SGCD: variants seen among roughly 807,000 people sequenced by gnomAD.
SGCD encodes sarcoglycan delta, also known as delta-sarcoglycan.
A neutral mutation model predicts 36.6 loss-of-function variants in SGCD; 18 were observed. That is an observed-to-expected ratio of 0.49 (90% CI 0.34 to 0.73). The LOEUF (loss-of-function observed/expected upper bound fraction) is 0.73. SGCD is among the 30% of genes least tolerant of loss of function. SGCD has a pLI of 0.01. For missense variants in SGCD, 387 were observed against 346.7 expected (o/e 1.12, Z -0.92); for synonymous variants, 133 against 130.6 (o/e 1.02, Z -0.12).
At chr5:156,724,600 C>G (rs1366357015) in intron 7 of SGCD, among the ~76,000 whole-genome samples, 1 of 151,240 alleles carries the variant, frequency 6.6e-6, no homozygotes, top group Non-Finnish European at 1.5e-5. Context: ...GAGCGAGACT[C>G]CATCTCCAAA....
intron 4 of SGCD, among the ~76,000 whole-genome samples, chr5:156,509,751 C>A (rs1756854202): frequency 6.6e-6 from 1 of 152,240 alleles, no homozygotes; most frequent in African/African-American, 2.4e-5. Context: ...TTCCTACATA[C>A]ATACCTTGCC....
chr5:156,650,919 A>G lies in SGCD; in HGVS notation c.575+3383A>G, dbSNP rs149814080. On this transcript the variant is annotated intron_variant, in intron 7 of 8. Transcript: ENST00000337851. ...TGAGACATCTCCAAATAATGGCTGA[A>G]CTAATTTACATTCCCACCAGCGGTG... Among the ~76,000 whole-genome samples the G allele has an allele frequency of 2.5e-3, 380 of 152,264 alleles. 1 individual carries two copies. Among genetic ancestry groups the G allele is most frequent in the African/African-American group, 8.3e-3 (347 of 41,564 alleles).
chr5:155,820,165 A>G, the SGCD span, among the ~76,000 whole-genome samples: 4 of 152,252 alleles, frequency 2.6e-5, no homozygotes, highest in East Asian at 7.7e-4. Context: ...TCTCAGCTCA[A>G]CTCTTTGAAA....
intron 4 of SGCD, among the ~76,000 whole-genome samples, chr5:156,545,432 G>C (rs969147424): frequency 6.6e-6 from 1 of 152,070 alleles, no homozygotes; most frequent in Non-Finnish European, 1.5e-5. Context: ...TTTGGCACCA[G>C]GGAGCAGTTT....
chr5:155,942,897 G>C (rs1303354376), intron 1 of SGCD, among the ~76,000 whole-genome samples: 1 of 152,154 alleles, frequency 6.6e-6, no homozygotes, highest in East Asian at 1.9e-4. Context: ...CAACCATGTA[G>C]AGTACAATGT....
intron 3 of SGCD, among the ~76,000 whole-genome samples, chr5:156,239,699 T>A (rs912066976): frequency 4.6e-5 from 7 of 152,198 alleles, no homozygotes; most frequent in African/African-American, 1.7e-4. Flanking sequence ...ACTGAGTTTA[T>A]CACCTATTTA....
intron 3 of SGCD, among the ~76,000 whole-genome samples, chr5:156,445,108 C>A (rs537992441): frequency 1.3e-5 from 2 of 152,162 alleles, no homozygotes; most frequent in Non-Finnish European, 2.9e-5. Context: ...ATTTCCTTTG[C>A]CACTGAGAAG....
At chr5:156,527,707 A>C (rs1757702075) in intron 4 of SGCD, among the ~76,000 whole-genome samples, 1 of 152,160 alleles carries the variant, frequency 6.6e-6, no homozygotes, top group Admixed American at 6.5e-5. Context: ...TTTAAGCCTA[A>C]TTTTACTTTG....
intron 3 of SGCD, among the ~76,000 whole-genome samples, chr5:156,501,147 T>C (rs1756431088): frequency 6.6e-6 from 1 of 152,144 alleles, no homozygotes; most frequent in Non-Finnish European, 1.5e-5. Flanking sequence ...TCTCTAGAAT[T>C]CACGGGAGGC....
At chr5:156,514,430 A>C (rs1581102755) in intron 4 of SGCD, among the ~76,000 whole-genome samples, 1 of 152,242 alleles carries the variant, frequency 6.6e-6, no homozygotes, top group African/African-American at 2.4e-5. Flanking sequence ...CTCCTAGCCC[A>C]TTGCTGTATT....
At chr5:156,625,983 A>T (rs1447517812) in intron 6 of SGCD, among the ~76,000 whole-genome samples, 1 of 149,538 alleles carries the variant, frequency 6.7e-6, no homozygotes, top group East Asian at 2.0e-4. Flanking sequence ...GGAGATTTTG[A>T]CCCTTAGAGC....
At chr5:156,534,838 G>A (rs757405366) in intron 4 of SGCD, among the ~76,000 whole-genome samples, 1 of 152,086 alleles carries the variant, frequency 6.6e-6, no homozygotes, top group Non-Finnish European at 1.5e-5. Flanking sequence ...AACAGTGTCC[G>A]CCACTTAACT....
chr5:156,128,761 C>T (rs1310338928), intron 3 of SGCD, among the ~76,000 whole-genome samples: 1 of 152,152 alleles, frequency 6.6e-6, no homozygotes, highest in Non-Finnish European at 1.5e-5. Flanking sequence ...TGCCTTCTGC[C>T]ATGATTGTAA....
chr5:156,660,437 G>A (rs1224288819), intron 7 of SGCD, among the ~76,000 whole-genome samples: 2 of 152,418 alleles, frequency 1.3e-5, no homozygotes, highest in Non-Finnish European at 2.9e-5. Context: ...TGGGTTCATT[G>A]TAGAACTTCA....
chr5:156,582,485 T>C (rs1760311339), intron 4 of SGCD, among the ~76,000 whole-genome samples: 1 of 152,172 alleles, frequency 6.6e-6, no homozygotes, highest in East Asian at 1.9e-4. Flanking sequence ...GCAATCTCTG[T>C]GACATCTGCA....
intron 7 of SGCD, among the ~76,000 whole-genome samples, chr5:156,655,905 G>GT (rs1561840898): frequency 6.6e-6 from 1 of 151,952 alleles, no homozygotes; most frequent in Non-Finnish European, 1.5e-5. Context: ...AGGCCATTCA[G>GT]TTTTGCATAT....
intron 3 of SGCD, among the ~76,000 whole-genome samples, chr5:156,199,029 A>C (rs2127636072): frequency 6.6e-6 from 1 of 152,184 alleles, no homozygotes; most frequent in East Asian, 1.9e-4. Context: ...TTCGACATGA[A>C]GAAATAAGGT....
chr5:156,492,919 T>A (rs1756011798), intron 3 of SGCD, among the ~76,000 whole-genome samples: 1 of 152,218 alleles, frequency 6.6e-6, no homozygotes, highest in African/African-American at 2.4e-5. Context: ...CTGCATAGTA[T>A]TCCATGGTGT....
At chr5:156,445,234 A>G (rs915444740) in intron 3 of SGCD, among the ~76,000 whole-genome samples, 16 of 152,222 alleles carry the variant, frequency 1.1e-4, no homozygotes, top group African/African-American at 3.6e-4. Context: ...GTGTGTGTAT[A>G]CATTGTACAC....
Sources: gnomAD v4.1 joint callset for allele counts (sites outside exome capture counted in the v4.1 genomes callset) on GRCh38, gnomAD v4.1.1 for gene constraint, MANE v1.5 for transcripts, NCBI Gene and HGNC (gene_info 2026-07-23, HGNC 2026-07-21) for gene names.